The following CLVS2 variants were observed in gnomAD, a reference collection of about 807,000 sequenced individuals.
CLVS2 encodes the protein clavesin-2.
A neutral mutation model predicts 29.0 loss-of-function variants in CLVS2; 19 were observed. The observed-to-expected ratio is 0.66, with a 90% confidence interval of 0.46 to 0.96. The LOEUF (loss-of-function observed/expected upper bound fraction) is 0.96, where lower values mean the gene tolerates loss of function less well. CLVS2 is among the 40% of genes least tolerant of loss of function. CLVS2 has a pLI of 0.00. For missense variants in CLVS2, 294 were observed against 404.1 expected, an observed-to-expected ratio of 0.73 and a Z score of 2.34; for synonymous variants, 161 against 151.3, an observed-to-expected ratio of 1.06 and a Z score of -0.47.
Position 123,048,676 on chromosome 6 carries a change from A to G in CLVS2, c.619A>G (p.Ile207Val), listed in dbSNP as rs1398526363. Residue 207 changes from isoleucine to valine, a missense_variant, in exon 4 of 6, where the codon ATC (isoleucine) becomes GTC (valine). By Grantham distance (29) the Ile-to-Val change is conservative. Transcript: ENST00000275162. ...TCATTTTGTCAATCAACCATGGTAT[A>G]TCCATGCCCTGTACACCGTGATCCG... ...GIHFVNQPWY[I>V]HALYTVIRPF... is the part of the protein sequence containing the mutation. 6.2e-7 allele frequency: 1 copy of G among 1,613,524 alleles called. No individual in the cohort carries two copies. The highest frequency in any genetic ancestry group is 1.3e-5 in the African/African-American group (1 of 74,892).
At position 123,064,729 on chromosome 6, in the gene CLVS2, T is replaced by G. The variant is rs1772828605; in HGVS notation, c.*968T>G. The stretch of plus-strand genomic sequence containing the variant: ...TTACTGAGCTCTAATAAATCCTTAA[T>G]GTGACAGGCTTATAAAATAAATCAT... On this transcript the variant is annotated 3_prime_UTR_variant, in exon 6 of 6. Transcript: ENST00000275162. The G allele has an allele frequency of 6.6e-6, 1 of 151,778 alleles. No individual in the cohort carries two copies. Among genetic ancestry groups the G allele is most frequent in the Non-Finnish European group, 1.5e-5 (1 of 67,832 alleles). The allele number at this position is 151,778 out of a possible 1,614,324, so 9.4% of individuals were successfully genotyped here. A position where few individuals can be genotyped will look rare whatever the true frequency, so the allele number is the denominator to read the frequency against.
intron 3 of CLVS2, among the ~76,000 whole-genome samples, chr6:123,035,483 T>C (rs1435138186): frequency 6.6e-6 from 1 of 152,150 alleles, no homozygotes; most frequent in Non-Finnish European, 1.5e-5. Flanking sequence ...AAAAGTCTCA[T>C]ATTTTATCTT....
Position 122,997,615 on chromosome 6 carries a change from A to T in CLVS2, c.-163A>T. 1.5e-6 allele frequency: 1 copy of T among 675,044 alleles called. No homozygotes were observed. Among genetic ancestry groups the T allele is most frequent in the East Asian group, 2.7e-5 (1 of 36,494 alleles). 41.8% of individuals were successfully genotyped at this position (675,044 alleles called of 1,614,324 possible). A position where few individuals can be genotyped will look rare whatever the true frequency, so the allele number is the denominator to read the frequency against. On this transcript the variant is annotated 5_prime_UTR_variant, in exon 2 of 6. Transcript: ENST00000275162. Reference sequence around the variant, plus strand: ...AGCTTTGCTGGGGGAAAGCAGGAGCAACAGGGCACTTGATTGGACACCAAG... The same window carrying T: ...AGCTTTGCTGGGGGAAAGCAGGAGCTACAGGGCACTTGATTGGACACCAAG...
chr6:123,022,609 C>T (rs916813405), intron 3 of CLVS2, among the ~76,000 whole-genome samples: 3 of 151,878 alleles, frequency 2.0e-5, no homozygotes, highest in Non-Finnish European at 4.4e-5. Context: ...CTTTTTCCCC[C>T]CCCAGGGTAA....
chr6:123,006,312 A>G (rs1196400613), intron 2 of CLVS2, among the ~76,000 whole-genome samples: 1 of 152,190 alleles, frequency 6.6e-6, no homozygotes, highest in Non-Finnish European at 1.5e-5. Context: ...GCATGGGTGT[A>G]CAAAACAAGA....
At position 123,071,030 on chromosome 6, in the gene CLVS2, C is replaced by T. The variant is rs1382824345; in HGVS notation, c.*7269C>T. On this transcript the variant is annotated 3_prime_UTR_variant, in exon 6 of 6. Coordinates refer to ENST00000275162, the MANE Select transcript of CLVS2 (RefSeq NM_001010852.4). The stretch of plus-strand genomic sequence containing the variant: ...ATATTCTCCTTTCCTGCTGTATTTC[C>T]TCTCCATAGCATTTATCACCTGATA... 1 of 151,876 alleles carries T rather than the reference C, an allele frequency of 6.6e-6. No individual in the cohort carries two copies. Among genetic ancestry groups the T allele is most frequent in the Non-Finnish European group, 1.5e-5 (1 of 67,926 alleles). The allele number at this position is 151,876 out of a possible 1,614,324, so 9.4% of individuals were successfully genotyped here.
intron 3 of CLVS2, among the ~76,000 whole-genome samples, chr6:123,030,097 T>A (rs1775061646): frequency 6.6e-6 from 1 of 152,226 alleles, no homozygotes; most frequent in African/African-American, 2.4e-5. Context: ...GAAGTACAGT[T>A]TATCACCATC....
chr6:123,015,649 A>G (rs1481513969), intron 3 of CLVS2, among the ~76,000 whole-genome samples: 1 of 152,100 alleles, frequency 6.6e-6, no homozygotes, highest in African/African-American at 2.4e-5. Flanking sequence ...TATAGGTGAA[A>G]TTTATTTATT....
At chr6:123,003,604 G>A (rs1774622158) in intron 2 of CLVS2, among the ~76,000 whole-genome samples, 1 of 149,842 alleles carries the variant, frequency 6.7e-6, no homozygotes, top group African/African-American at 2.5e-5. Flanking sequence ...TTGAGAATTT[G>A]TTATGTACAT....
At chr6:123,020,319 G>A (rs1009411700) in intron 3 of CLVS2, among the ~76,000 whole-genome samples, 1 of 151,932 alleles carries the variant, frequency 6.6e-6, no homozygotes, top group African/African-American at 2.4e-5. Context: ...CATTTCCTTT[G>A]AATGCCATAT....
chr6:123,028,137 CTG>C (rs1489753872), intron 3 of CLVS2, among the ~76,000 whole-genome samples: 1 of 152,122 alleles, frequency 6.6e-6, no homozygotes, highest in Non-Finnish European at 1.5e-5. Flanking sequence ...GAGTGAAAAA[CTG>C]AGTATTAAAA....
intron 3 of CLVS2, among the ~76,000 whole-genome samples, chr6:123,032,228 T>C (rs1246719960): frequency 6.6e-6 from 1 of 152,096 alleles, no homozygotes; most frequent in African/African-American, 2.4e-5. Flanking sequence ...CCTTTTCCTA[T>C]TTGAAAATAC....
chr6:123,036,514 A>G (rs1434108088), intron 3 of CLVS2, among the ~76,000 whole-genome samples: 1 of 152,206 alleles, frequency 6.6e-6, no homozygotes, highest in Non-Finnish European at 1.5e-5. Context: ...GATTTTGAAA[A>G]GAGGGTAATG....
intron 3 of CLVS2, among the ~76,000 whole-genome samples, chr6:123,021,061 A>AGGGG (rs1284701366): frequency 9.2e-4 from 125 of 135,756 alleles, no homozygotes; most frequent in African/African-American, 3.2e-3. Flanking sequence ...TGGGGGGGGT[A>AGGGG]AAATTGCAGA....
intron 4 of CLVS2, among the ~76,000 whole-genome samples, chr6:123,052,663 A>G (rs548963014): frequency 6.6e-6 from 1 of 152,282 alleles, no homozygotes; most frequent in Non-Finnish European, 1.5e-5. Flanking sequence ...CACCAAAAAG[A>G]TTTACTGACA....
intron 3 of CLVS2, among the ~76,000 whole-genome samples, chr6:123,039,824 G>A (rs188085184): frequency 6.6e-6 from 1 of 152,272 alleles, no homozygotes; most frequent in Non-Finnish European, 1.5e-5. Context: ...TTGAGAAATA[G>A]GTAGCTAGGT....
intron 3 of CLVS2, among the ~76,000 whole-genome samples, chr6:123,021,905 A>C (rs1035210618): frequency 6.6e-6 from 1 of 151,962 alleles, no homozygotes; most frequent in East Asian, 1.9e-4. Flanking sequence ...AATTGTTGCT[A>C]GTATGTATCT....
chr6:123,042,192 A>T (rs1378789958), intron 3 of CLVS2, among the ~76,000 whole-genome samples: 3 of 152,176 alleles, frequency 2.0e-5, no homozygotes. Flanking sequence ...TTTAAAATAC[A>T]GTGTTGTATA....
rs1774530176 is a variant in CLVS2, at chr6:122,997,655, G to A, written c.-123G>A. The A allele has an allele frequency of 3.3e-6, 3 of 911,852 alleles. No homozygotes were observed. The highest frequency in any genetic ancestry group is 5.1e-6 in the Non-Finnish European group (3 of 585,942). The allele number at this position is 911,852 out of a possible 1,614,324, so 56.5% of individuals were successfully genotyped here. On this transcript the variant is annotated 5_prime_UTR_variant, in exon 2 of 6. Transcript: ENST00000275162. ...TGGACACCAAGATTATTAATTTCCT[G>A]TAGGGGAGAGGAAGCAGGCAGCAGG...
Sources: gnomAD v4.1 joint callset for allele counts (sites outside exome capture counted in the v4.1 genomes callset) on GRCh38, gnomAD v4.1.1 for gene constraint, MANE v1.5 for transcripts, NCBI Gene and HGNC (gene_info 2026-07-23, HGNC 2026-07-21) for gene names.